BCAS1: variants seen among roughly 807,000 people sequenced by gnomAD.
The protein encoded by BCAS1 is breast carcinoma-amplified sequence 1.
In BCAS1, 46 loss-of-function variants were observed where a neutral mutation model predicts 65.4. The ratio of observed to expected loss-of-function variants is 0.70; its 90% CI spans 0.55 to 0.90. The LOEUF (loss-of-function observed/expected upper bound fraction) is 0.90, where lower values mean the gene tolerates loss of function less well. Ranked by LOEUF, BCAS1 falls within the 40% of genes least tolerant of loss-of-function variation. The probability of loss-of-function intolerance (pLI) is 0.00; values close to 1 mark genes in which losing one functional copy is unlikely to be tolerated. For missense variants in BCAS1, 793 were observed against 771.2 expected, an observed-to-expected ratio of 1.03 and a Z score of -0.33; for synonymous variants, 298 against 293.5, an observed-to-expected ratio of 1.02 and a Z score of -0.16.
intron 3 of BCAS1, among the ~76,000 whole-genome samples, chr20:54,049,977 T>C (rs1285171802): frequency 6.6e-6 from 1 of 152,140 alleles, no homozygotes; most frequent in Non-Finnish European, 1.5e-5. Context: ...CCAGCACAAA[T>C]ATATTACAGT....
At chr20:54,029,030 A>C in intron 3 of BCAS1, 58 bp from the exon 4 acceptor site, 1 of 1,533,252 alleles carries the variant, frequency 6.5e-7, no homozygotes, top group South Asian at 1.3e-5. Context: ...TCAGGCACTA[A>C]TAATGGACTC....
chr20:53,949,054 T>G (rs2089428206), intron 12 of BCAS1, among the ~76,000 whole-genome samples: 1 of 152,158 alleles, frequency 6.6e-6, no homozygotes, highest in African/African-American at 2.4e-5. Context: ...ATCTAGCACT[T>G]CAGGGGCTCA....
chr20:53,997,647 C>G (rs2090952032), intron 4 of BCAS1, among the ~76,000 whole-genome samples: 2 of 152,194 alleles, frequency 1.3e-5, no homozygotes, highest in South Asian at 4.2e-4. Flanking sequence ...ATTATATAAA[C>G]TTGATGAATA....
At position 54,028,936 on chromosome 20, in the gene BCAS1, G is replaced by A. The variant is rs201469401; in HGVS notation, c.179C>T (p.Ala60Val). The change falls in exon 4 of 13, where the codon GCC (alanine) becomes GTC (valine). Residue 60 changes from alanine (A) to valine (V), a missense_variant. By Grantham distance (64) the Ala-to-Val change is moderately conservative (BLOSUM62 0). Coordinates refer to ENST00000688948, the MANE Select transcript of BCAS1 (RefSeq NM_001366298.2). ...CTCCGTTGTCTCGGGGGAAGAAGTGGCCACATTATCCGTCTTGACACTTAT... is the reference window on the plus strand; with the variant it reads ...CTCCGTTGTCTCGGGGGAAGAAGTGACCACATTATCCGTCTTGACACTTAT... ...LGISVKTDNVATSSPETTEIS... is the reference protein window; with the variant it reads ...LGISVKTDNVVTSSPETTEIS... The A allele has an allele frequency of 6.2e-7, 1 of 1,613,540 alleles. No homozygotes were observed. Among genetic ancestry groups the A allele is most frequent in the Non-Finnish European group, 8.5e-7 (1 of 1,179,892 alleles).
At chr20:53,966,448 A>G (rs1469547494) in intron 10 of BCAS1, among the ~76,000 whole-genome samples, 1 of 152,216 alleles carries the variant, frequency 6.6e-6, no homozygotes. Flanking sequence ...AAGCATAAAA[A>G]ATGATATAAT....
chr20:54,056,460 G>A (rs945323891), intron 3 of BCAS1, among the ~76,000 whole-genome samples: 6 of 152,114 alleles, frequency 3.9e-5, no homozygotes, highest in African/African-American at 1.4e-4. Context: ...AAAGAAGGGA[G>A]GGTGGGAGTG....
chr20:54,070,099 T>C (rs1207628582), intron 1 of BCAS1, among the ~76,000 whole-genome samples: 1 of 152,192 alleles, frequency 6.6e-6, no homozygotes, highest in African/African-American at 2.4e-5. Flanking sequence ...TCACACAGCC[T>C]ATCCCTCCAT....
intron 9 of BCAS1, among the ~76,000 whole-genome samples, chr20:53,969,364 G>A (rs968808120): frequency 6.6e-6 from 1 of 152,098 alleles, no homozygotes; most frequent in African/African-American, 2.4e-5. Context: ...CCAATATTTA[G>A]AGATGATTAT....
At position 54,032,480 on chromosome 20, in the gene BCAS1, AC is replaced by A. The variant is rs1448295024; in HGVS notation, c.143-3509del. Among the ~76,000 whole-genome samples the A allele has an allele frequency of 9.6e-4, 146 of 151,408 alleles. 1 individual carries two copies. The highest frequency in any genetic ancestry group is 3.4e-3 in the African/African-American group (139 of 41,488). On this transcript the variant is annotated intron_variant, in intron 3 of 12. Transcript: ENST00000688948. ...ATCAAATCGACACATAGCAACACTA[AC>A]CTTAAATGTAAATGGACTAAATGAT...
At position 54,036,560 on chromosome 20, in the gene BCAS1, A is replaced by G. The variant is rs75374807; in HGVS notation, c.143-7588T>C. On this transcript the variant is annotated intron_variant, in intron 3 of 12. Transcript: ENST00000688948. ...TAACTGCTCACTCTTTAAATGGATA[A>G]CCCGGGTAAGTTATTTCCTGTCTCT... is the stretch of plus-strand genomic sequence containing the variant. Among the ~76,000 whole-genome samples, 1,482 of 151,216 alleles carry G rather than the reference A, an allele frequency of 9.8e-3. 41 individuals are homozygous for G. Among genetic ancestry groups the G allele is most frequent in the African/African-American group, 0.034 (1,389 of 41,404 alleles).
At chr20:53,975,727 T>A (rs184594619) in intron 8 of BCAS1, among the ~76,000 whole-genome samples, 2 of 152,180 alleles carry the variant, frequency 1.3e-5, no homozygotes, top group East Asian at 3.9e-4. Flanking sequence ...CTGCTGTAGG[T>A]AAGCAATGTA....
chr20:54,038,961 A>G (rs1024963719), intron 3 of BCAS1, among the ~76,000 whole-genome samples: 5 of 151,464 alleles, frequency 3.3e-5, no homozygotes, highest in Non-Finnish European at 7.4e-5. Context: ...ATCACCGAAG[A>G]AGGAAAAGTG....
Position 53,971,093 on chromosome 20 carries a change from T to C in BCAS1, c.1318-4020A>G, listed in dbSNP as rs1471869041. On this transcript the variant is annotated intron_variant, in intron 9 of 12. Transcript: ENST00000688948. ...TCCTTGACTGTGGTTGGTTTAGAAA[T>C]GACAGCATGCGGCAAATTGTATTAT... 2.0e-5 allele frequency among the ~76,000 whole-genome samples: 3 copies of C among 152,236 alleles called. No homozygotes were observed. In the East Asian group the frequency reaches 5.8e-4, roughly 29 times the overall value.
At chr20:54,025,807 T>G (rs2091660493) in intron 4 of BCAS1, among the ~76,000 whole-genome samples, 1 of 152,150 alleles carries the variant, frequency 6.6e-6, no homozygotes, top group African/African-American at 2.4e-5. Context: ...TGTTACTTTC[T>G]GAGGGTTGGA....
At chr20:53,956,741 A>G (rs2089711982) in intron 11 of BCAS1, among the ~76,000 whole-genome samples, 1 of 152,052 alleles carries the variant, frequency 6.6e-6, no homozygotes, top group Non-Finnish European at 1.5e-5. Flanking sequence ...CCACTTCTCT[A>G]TATTGTCAAA....
intron 4 of BCAS1, among the ~76,000 whole-genome samples, chr20:53,999,604 C>T (rs2091007347): frequency 6.6e-6 from 1 of 152,154 alleles, no homozygotes; most frequent in Non-Finnish European, 1.5e-5. Flanking sequence ...TTTGTAACCC[C>T]AGTGACCTGC....
At chr20:53,950,161 G>A (rs2089468752) in intron 12 of BCAS1, among the ~76,000 whole-genome samples, 1 of 151,676 alleles carries the variant, frequency 6.6e-6, no homozygotes, top group African/African-American at 2.4e-5. Flanking sequence ...CAGCCTGCAT[G>A]AGGAGGTCCC....
chr20:54,004,925 C>T (rs780227425), intron 4 of BCAS1, among the ~76,000 whole-genome samples: 11 of 152,144 alleles, frequency 7.2e-5, no homozygotes, highest in Non-Finnish European at 1.3e-4. Context: ...TAGCACCTGC[C>T]TTTTAGGGTT....
At chr20:53,966,783 T>C in intron 10 of BCAS1, 123 bp downstream of exon 10, 1 of 897,648 alleles carries the variant, frequency 1.1e-6, no homozygotes, top group Non-Finnish European at 1.7e-6. Flanking sequence ...CAATCCATAT[T>C]CCATTCACAT....
Sources: allele counts gnomAD v4.1 joint callset (sites outside exome capture counted in the v4.1 genomes callset), GRCh38; gene constraint gnomAD v4.1.1; transcripts MANE v1.5; gene names NCBI Gene and HGNC (gene_info 2026-07-23, HGNC 2026-07-21).